SDC2: variants seen among roughly 807,000 people sequenced by gnomAD.
SDC2 encodes the protein syndecan-2.
A neutral mutation model predicts 22.2 loss-of-function variants in SDC2; 13 were observed. The ratio of observed to expected loss-of-function variants is 0.59; its 90% CI spans 0.38 to 0.93. SDC2 has a LOEUF of 0.93. Among genes scored for constraint, SDC2 ranks in the 40% least tolerant of loss-of-function variants. The pLI, the probability that SDC2 is intolerant of heterozygous loss-of-function variation, is 0.00. For missense variants in SDC2, 235 were observed against 246.8 expected (o/e 0.95, Z 0.32); for synonymous variants, 94 against 92.8 (o/e 1.01, Z -0.07).
chr8:96,540,424 C>T (rs554943949), intron 1 of SDC2, among the ~76,000 whole-genome samples: 5 of 149,078 alleles, frequency 3.4e-5, no homozygotes, highest in Non-Finnish European at 7.4e-5. Flanking sequence ...ATGGGAGGAT[C>T]GCTTGAGCCT....
At chr8:96,606,158 C>T (rs1044208650) in intron 3 of SDC2, among the ~76,000 whole-genome samples, 1 of 152,180 alleles carries the variant, frequency 6.6e-6, no homozygotes, top group Non-Finnish European at 1.5e-5. Flanking sequence ...GGGTCTCACT[C>T]TGTTACCCAG....
At chr8:96,525,899 A>G (rs1318767727) in intron 1 of SDC2, among the ~76,000 whole-genome samples, 1 of 152,184 alleles carries the variant, frequency 6.6e-6, no homozygotes, top group African/African-American at 2.4e-5. Context: ...GACATTATTT[A>G]CAGAGTACTT....
chr8:96,596,407 C>G (rs901360748), intron 2 of SDC2, among the ~76,000 whole-genome samples: 4 of 152,142 alleles, frequency 2.6e-5, no homozygotes, highest in Admixed American at 2.6e-4. Context: ...GAGGGGACTT[C>G]CTGGGCAAGG....
chr8:96,515,328 A>G (rs1340434801), intron 1 of SDC2, among the ~76,000 whole-genome samples: 3 of 152,234 alleles, frequency 2.0e-5, no homozygotes, highest in Admixed American at 1.3e-4. Context: ...AATTGGTTAC[A>G]GTTGTCATTT....
chr8:96,537,882 T>C lies in SDC2; in HGVS notation c.60+43551T>C, dbSNP rs147017066. On this transcript the variant is annotated intron_variant, in intron 1 of 4. Transcript: ENST00000302190. The stretch of plus-strand genomic sequence containing the variant: ...CTAATTGGTTCCTGAATGTTTAGTC[T>C]TGGGGCATGGTCATAACACAAACTC... 1.1e-4 allele frequency among the ~76,000 whole-genome samples: 17 copies of C among 152,354 alleles called. No homozygotes were observed. The East Asian group carries it at 3.3e-3, about 29-fold the overall frequency.
intron 2 of SDC2, among the ~76,000 whole-genome samples, chr8:96,601,759 G>GT (rs1330041458): frequency 6.6e-6 from 1 of 151,710 alleles, no homozygotes; most frequent in African/African-American, 2.4e-5. Context: ...TTTGTTGTGG[G>GT]TTTTTTTAAT....
chr8:96,530,938 C>T (rs1160458340), intron 1 of SDC2, among the ~76,000 whole-genome samples: 1 of 152,172 alleles, frequency 6.6e-6, no homozygotes, highest in East Asian at 1.9e-4. Context: ...ATTTTCACAT[C>T]ATGGCACACA....
chr8:96,599,740 T>C (rs955465568), intron 2 of SDC2, among the ~76,000 whole-genome samples: 3 of 152,244 alleles, frequency 2.0e-5, no homozygotes, highest in African/African-American at 7.2e-5. Flanking sequence ...GTTTGCTTTC[T>C]TAATACCAAA....
chr8:96,497,793 G>C (rs949569552), intron 1 of SDC2, among the ~76,000 whole-genome samples: 2 of 152,186 alleles, frequency 1.3e-5, no homozygotes, highest in African/African-American at 4.8e-5. Context: ...TGGGGATCCA[G>C]TTGTCCTGTG....
Position 96,494,002 on chromosome 8 carries a change from C to T in SDC2, c.-270C>T, listed in dbSNP as rs892904362. On this transcript the variant is annotated 5_prime_UTR_variant, in exon 1 of 5. Transcript: ENST00000302190. ...AAGAAGAGCTTCAGAGAGCAGCCTTCCCGGAGCACCAACTCCGTGTCGGGA... is the reference window on the plus strand; with the variant it reads ...AAGAAGAGCTTCAGAGAGCAGCCTTTCCGGAGCACCAACTCCGTGTCGGGA... 4.6e-5 allele frequency: 24 copies of T among 522,478 alleles called. No individual in the cohort carries two copies. Among genetic ancestry groups the T allele is most frequent in the East Asian group, 2.1e-4 (6 of 28,298 alleles). The allele number at this position is 522,478 out of a possible 1,614,324, so 32.4% of individuals were successfully genotyped here.
At position 96,610,655 on chromosome 8, in the gene SDC2, T is replaced by C. The variant is rs1234384213; in HGVS notation, c.*1107T>C. On this transcript the variant is annotated 3_prime_UTR_variant, in exon 5 of 5. Coordinates refer to ENST00000302190, the MANE Select transcript of SDC2 (RefSeq NM_002998.4). The stretch of plus-strand genomic sequence containing the variant: ...CCTAATATTGAAAATGTCACTGTTA[T>C]AAATTTTGTACATTTTTGATCAAAT... 6.6e-6 allele frequency: 1 copy of C among 152,652 alleles called. No homozygotes were observed. Among genetic ancestry groups the C allele is most frequent in the East Asian group, 1.9e-4 (1 of 5,196 alleles). The allele number at this position is 152,652 out of a possible 1,614,324, so 9.5% of individuals were successfully genotyped here.
chr8:96,559,957 T>A (rs1814180562), intron 1 of SDC2, among the ~76,000 whole-genome samples: 1 of 152,106 alleles, frequency 6.6e-6, no homozygotes, highest in African/African-American at 2.4e-5. Context: ...GCCTCCTTAA[T>A]TGTCAACTGA....
chr8:96,504,147 G>A (rs993991485), intron 1 of SDC2, among the ~76,000 whole-genome samples: 1 of 152,114 alleles, frequency 6.6e-6, no homozygotes, highest in African/African-American at 2.4e-5. Context: ...TAATATAAAG[G>A]TTCCCAAATT....
intron 1 of SDC2, chr8:96,584,868 T>A (rs1814655162): frequency 6.6e-6 from 1 of 152,218 alleles, no homozygotes. Flanking sequence ...ATATTCAACA[T>A]AATCCCACTC....
At chr8:96,573,523 A>G (rs1814437878) in intron 1 of SDC2, among the ~76,000 whole-genome samples, 1 of 151,980 alleles carries the variant, frequency 6.6e-6, no homozygotes, top group Non-Finnish European at 1.5e-5. Flanking sequence ...CTGACACACA[A>G]TTGCTCTACG....
At chr8:96,562,456 T>C (rs1261082735) in intron 1 of SDC2, among the ~76,000 whole-genome samples, 1 of 152,052 alleles carries the variant, frequency 6.6e-6, no homozygotes, top group Non-Finnish European at 1.5e-5. Flanking sequence ...TGCCAGGGAG[T>C]TGGCATGGAG....
At chr8:96,573,299 C>T (rs1460357100) in intron 1 of SDC2, among the ~76,000 whole-genome samples, 1 of 2,798 alleles carries the variant, frequency 3.6e-4, no homozygotes, top group East Asian at 2.1e-3. Flanking sequence ...CTCCCAACAA[C>T]AATGTTGCCT....
At chr8:96,566,169 T>G (rs1814296507) in intron 1 of SDC2, among the ~76,000 whole-genome samples, 1 of 150,072 alleles carries the variant, frequency 6.7e-6, no homozygotes. Context: ...TTATCATGAT[T>G]ATTATACTTG....
intron 1 of SDC2, among the ~76,000 whole-genome samples, chr8:96,576,014 C>T (rs1264654616): frequency 1.3e-5 from 2 of 152,158 alleles, no homozygotes; most frequent in Admixed American, 1.3e-4. Context: ...AGGGCCCTAG[C>T]TTATCTGTCA....
Sources: allele counts gnomAD v4.1 joint callset (sites outside exome capture counted in the v4.1 genomes callset), GRCh38; gene constraint gnomAD v4.1.1; transcripts MANE v1.5; gene names NCBI Gene and HGNC (gene_info 2026-07-23, HGNC 2026-07-21).